Variants in MAJIN observed in about 807,000 individuals in gnomAD.
MAJIN encodes membrane-anchored junction protein.
Under a neutral mutation model 30.2 loss-of-function variants are expected in MAJIN, and 27 were observed. That is an observed-to-expected ratio of 0.89 (90% confidence interval 0.66 to 1.23). The LOEUF (loss-of-function observed/expected upper bound fraction) is 1.23, where lower values mean the gene tolerates loss of function less well. Among genes scored for constraint, MAJIN ranks in the 50% most tolerant of loss-of-function variants. The pLI is 0.00. For missense variants in MAJIN, 253 were observed against 260.3 expected, an observed-to-expected ratio of 0.97 and a Z score of 0.19; for synonymous variants, 78 against 91.6, an observed-to-expected ratio of 0.85 and a Z score of 0.85.
chr11:64,961,788 TTTC>T (rs925430464), intron 1 of MAJIN, among the ~76,000 whole-genome samples: 2 of 148,654 alleles, frequency 1.3e-5, no homozygotes, highest in African/African-American at 5.1e-5. Flanking sequence ...TTTTTTTTCT[TTTC>T]TTTTTTTTTT....
chr11:64,962,400 G>A (rs1270565650), intron 1 of MAJIN, among the ~76,000 whole-genome samples: 1 of 152,184 alleles, frequency 6.6e-6, no homozygotes, highest in African/African-American at 2.4e-5. Context: ...ATTTCACAGG[G>A]TTATTTTCCA....
chr11:64,969,290 T>C (rs906774541), intron 1 of MAJIN, among the ~76,000 whole-genome samples: 1 of 152,102 alleles, frequency 6.6e-6, no homozygotes, highest in Non-Finnish European at 1.5e-5. Flanking sequence ...AACGGAAATA[T>C]ACATTTGAGT....
At chr11:64,947,683 G>A (rs1945472055) in intron 7 of MAJIN, 105 bp downstream of exon 7, 3 of 1,271,520 alleles carry the variant, frequency 2.4e-6, no homozygotes, top group South Asian at 2.4e-5. Flanking sequence ...CTGGACCTGG[G>A]CAGCAACTGA....
At chr11:64,951,637 C>T (rs1267824274) in intron 4 of MAJIN, among the ~76,000 whole-genome samples, 6 of 152,048 alleles carry the variant, frequency 3.9e-5, no homozygotes, top group Admixed American at 1.3e-4. Context: ...TGGTGGCACA[C>T]GCCAGTAGTC....
chr11:64,964,589 A>T (rs1945777550), intron 1 of MAJIN, among the ~76,000 whole-genome samples: 1 of 151,692 alleles, frequency 6.6e-6, no homozygotes, highest in African/African-American at 2.4e-5. Context: ...ACATCAAAGC[A>T]AAATTTAATT....
intron 3 of MAJIN, among the ~76,000 whole-genome samples, chr11:64,958,846 A>T (rs1048389733): frequency 3.9e-5 from 6 of 151,958 alleles, no homozygotes; most frequent in South Asian, 2.1e-4. Context: ...GCTGGTCTTG[A>T]ACTCCTGACC....
At chr11:64,968,581 T>C (rs1046059185) in intron 1 of MAJIN, among the ~76,000 whole-genome samples, 9 of 151,636 alleles carry the variant, frequency 5.9e-5, no homozygotes, top group African/African-American at 1.9e-4. Flanking sequence ...ACGCCTGTAA[T>C]CCCAGCACTT....
At chr11:64,955,737 C>CG (rs1477839452) in intron 3 of MAJIN, among the ~76,000 whole-genome samples, 1 of 152,200 alleles carries the variant, frequency 6.6e-6, no homozygotes. Flanking sequence ...TACGTCAACA[C>CG]TTTTAAGACT....
At position 64,938,411 on chromosome 11, in the gene MAJIN, A is replaced by C; in HGVS notation, c.*164T>G. On this transcript the variant is annotated 3_prime_UTR_variant, in exon 11 of 11. Transcript: ENST00000301896. ...AAACCACAGAGGACTCAGCATGGGG[A>C]CCTCATTCCCCACGACTGAAGTGTC... 5 of 1,169,458 alleles carry C rather than the reference A, an allele frequency of 4.3e-6. No homozygotes were observed. The highest frequency in any genetic ancestry group is 6.1e-6 in the Non-Finnish European group (5 of 816,762). 72.4% of individuals were successfully genotyped at this position (1,169,458 alleles called of 1,614,324 possible). A position where few individuals can be genotyped will look rare whatever the true frequency, so the allele number is the denominator to read the frequency against.
At chr11:64,955,992 C>T (rs1321096437) in intron 3 of MAJIN, among the ~76,000 whole-genome samples, 1 of 152,134 alleles carries the variant, frequency 6.6e-6, no homozygotes, top group Admixed American at 6.6e-5. Context: ...CGTGGTGAAA[C>T]CCTGTCTCTA....
intron 10 of MAJIN, among the ~76,000 whole-genome samples, chr11:64,939,117 TA>T (rs1340328393): frequency 6.6e-6 from 1 of 152,064 alleles, no homozygotes; most frequent in Non-Finnish European, 1.5e-5. Flanking sequence ...TTTATTTTTT[TA>T]ATCTCGGCTC....
intron 7 of MAJIN, 48 bp downstream of exon 7, chr11:64,947,740 G>T: frequency 6.5e-7 from 1 of 1,546,288 alleles, no homozygotes; most frequent in Non-Finnish European, 8.9e-7. Context: ...TTGGAAAAAA[G>T]AAGGTGATAA....
chr11:64,956,350 G>A (rs956037895), intron 3 of MAJIN, among the ~76,000 whole-genome samples: 1 of 151,754 alleles, frequency 6.6e-6, no homozygotes, highest in Non-Finnish European at 1.5e-5. Flanking sequence ...TTAGCTGGAC[G>A]TGGTGGCGGG....
intron 1 of MAJIN, among the ~76,000 whole-genome samples, chr11:64,960,931 G>A (rs1479748198): frequency 6.6e-6 from 1 of 152,168 alleles, no homozygotes; most frequent in South Asian, 2.1e-4. Flanking sequence ...TAGAATTGCA[G>A]TCAAAAATGA....
intron 6 of MAJIN, 77 bp from the exon 7 acceptor site, chr11:64,947,896 G>A: frequency 7.4e-7 from 1 of 1,347,842 alleles, no homozygotes; most frequent in Middle Eastern, 2.0e-4. Context: ...GTCTCTCTCT[G>A]TCACCCAGAC....
intron 8 of MAJIN, chr11:64,946,019 G>A: frequency 1.4e-6 from 2 of 1,389,362 alleles, no homozygotes; most frequent in Admixed American, 2.8e-5. Flanking sequence ...ATCCTGACTT[G>A]TAACAGAACA....
chr11:64,949,610 G>T, intron 6 of MAJIN, 133 bp downstream of exon 6: 2 of 1,167,116 alleles, frequency 1.7e-6, no homozygotes, highest in Non-Finnish European at 2.4e-6. Flanking sequence ...CGGTCAGTCT[G>T]GCCTGGAGCA....
intron 6 of MAJIN, 88 bp from the exon 7 acceptor site, chr11:64,947,907 T>G (rs665902): frequency 0.048 from 58,920 of 1,217,126 alleles, 1,741 homozygotes; most frequent in Non-Finnish European, 0.059. Context: ...TCACCCAGAC[T>G]GGAGTGCAGT....
intron 6 of MAJIN, 21 bp downstream of exon 6, chr11:64,949,722 C>T (rs777765112): frequency 1.9e-6 from 3 of 1,611,190 alleles, no homozygotes; most frequent in Non-Finnish European, 2.5e-6. Context: ...CTGCCATCCA[C>T]ATTCACATCA....
Sources: gnomAD v4.1 joint callset for allele counts (sites outside exome capture counted in the v4.1 genomes callset) on GRCh38, gnomAD v4.1.1 for gene constraint, MANE v1.5 for transcripts, NCBI Gene and HGNC (gene_info 2026-07-23, HGNC 2026-07-21) for gene names.